SPECC1L: variants seen among roughly 807,000 people sequenced by gnomAD.
SPECC1L encodes cytospin-A.
A neutral mutation model predicts 116.8 loss-of-function variants in SPECC1L; 40 were observed. The observed-to-expected ratio is 0.34, with a 90% confidence interval of 0.27 to 0.45. The LOEUF (loss-of-function observed/expected upper bound fraction) is 0.45, where lower values mean the gene tolerates loss of function less well. Among genes scored for constraint, SPECC1L ranks in the 20% least tolerant of loss-of-function variants. The pLI is 1.00. For missense variants in SPECC1L, 1,110 were observed against 1,373.6 expected, an observed-to-expected ratio of 0.81 and a Z score of 3.03; for synonymous variants, 504 against 500.6, an observed-to-expected ratio of 1.01 and a Z score of -0.09.
chr22:24,314,328 C>G (rs1404593693), intron 4 of SPECC1L, among the ~76,000 whole-genome samples: 7 of 152,208 alleles, frequency 4.6e-5, no homozygotes, highest in Non-Finnish European at 1.5e-5. Flanking sequence ...GTATTACAGG[C>G]GTGAGCCACC....
intron 11 of SPECC1L, 37 bp downstream of exon 11, chr22:24,347,213 C>A (rs1338315052): frequency 6.5e-7 from 1 of 1,532,824 alleles, no homozygotes; most frequent in Non-Finnish European, 9.0e-7. Context: ...ACCTTTTTTT[C>A]AATTTTTGAA....
At chr22:24,302,099 A>G (rs993727487) in intron 2 of SPECC1L, 96 bp from the exon 3 acceptor site, 4 of 1,000,592 alleles carry the variant, frequency 4.0e-6, no homozygotes, top group South Asian at 2.9e-5. Context: ...CTAGCTTTCA[A>G]ACAGTTTTAT....
At chr22:24,285,668 G>A (rs1248727751) in intron 2 of SPECC1L, among the ~76,000 whole-genome samples, 2 of 151,812 alleles carry the variant, frequency 1.3e-5, no homozygotes, top group Non-Finnish European at 2.9e-5. Context: ...TTTTGAGACG[G>A]AGTCTTGCTC....
At chr22:24,374,908 G>A (rs545484941) in intron 14 of SPECC1L, among the ~76,000 whole-genome samples, 180 of 151,832 alleles carry the variant, frequency 1.2e-3, no homozygotes, top group African/African-American at 3.4e-3. Context: ...AAAAAAATGG[G>A]TTCTTTGAAA....
At chr22:24,330,156 T>G in intron 7 of SPECC1L, 100 bp from the exon 8 acceptor site, 1 of 1,164,396 alleles carries the variant, frequency 8.6e-7, no homozygotes, top group Non-Finnish European at 1.3e-6. Flanking sequence ...TTTGGAAGCA[T>G]TAGTGCATTA....
chr22:24,302,060 A>AAAT, intron 2 of SPECC1L, 135 bp from the exon 3 acceptor site: 4 of 670,400 alleles, frequency 6.0e-6, no homozygotes, highest in Non-Finnish European at 5.0e-6. Flanking sequence ...AAAAAAAAAA[A>AAAT]TTTTTTTTCA....
At chr22:24,277,155 T>A (rs1234771753) in intron 2 of SPECC1L, among the ~76,000 whole-genome samples, 1 of 152,258 alleles carries the variant, frequency 6.6e-6, no homozygotes, top group Non-Finnish European at 1.5e-5. Context: ...TGCTCATTTC[T>A]TTGTACACTT....
intron 9 of SPECC1L, among the ~76,000 whole-genome samples, chr22:24,335,874 GATAGTGTTATGT>G (rs1199685398): frequency 6.6e-6 from 1 of 151,916 alleles, no homozygotes; most frequent in Non-Finnish European, 1.5e-5. Flanking sequence ...TATAATATAA[GATAGTGTTATGT>G]ATAATACTAT....
chr22:24,308,649 C>G (rs1017627418), intron 3 of SPECC1L, among the ~76,000 whole-genome samples: 1 of 104,142 alleles, frequency 9.6e-6, no homozygotes, highest in Admixed American at 1.0e-4. Flanking sequence ...GTACATATAT[C>G]TATCCTTTTT....
intron 1 of SPECC1L, among the ~76,000 whole-genome samples, chr22:24,272,218 T>C (rs973178140): frequency 1.7e-4 from 25 of 145,044 alleles, no homozygotes; most frequent in Non-Finnish European, 6.1e-5. Flanking sequence ...CTGTCTCTAC[T>C]AAAAATACAA....
intron 3 of SPECC1L, among the ~76,000 whole-genome samples, chr22:24,308,068 G>C (rs2049537377): frequency 6.6e-6 from 1 of 151,586 alleles, no homozygotes; most frequent in Non-Finnish European, 1.5e-5. Context: ...TAGTTTTTTT[G>C]GGGGTGGGGG....
intron 13 of SPECC1L, among the ~76,000 whole-genome samples, chr22:24,367,293 T>G (rs549658034): frequency 6.6e-6 from 1 of 152,360 alleles, no homozygotes; most frequent in African/African-American, 2.4e-5. Context: ...TCTTTCTCTT[T>G]CCCTGTGGTT....
At chr22:24,325,230 C>T (rs1247706486) in intron 6 of SPECC1L, among the ~76,000 whole-genome samples, 1 of 152,164 alleles carries the variant, frequency 6.6e-6, no homozygotes, top group Non-Finnish European at 1.5e-5. Context: ...GGCAGTGTCC[C>T]TCACAGTAGG....
At chr22:24,314,685 C>T (rs934912775) in intron 4 of SPECC1L, among the ~76,000 whole-genome samples, 2 of 152,168 alleles carry the variant, frequency 1.3e-5, no homozygotes, top group East Asian at 3.9e-4. Context: ...GATGTTTTTG[C>T]CCATCACCCT....
chr22:24,292,373 T>TTTC (rs1404757844), intron 2 of SPECC1L, among the ~76,000 whole-genome samples: 1 of 152,234 alleles, frequency 6.6e-6, no homozygotes, highest in East Asian at 1.9e-4. Flanking sequence ...TTACACCATT[T>TTTC]TTCCTTTGAC....
At position 24,294,630 on chromosome 22, in the gene SPECC1L, G is replaced by A. The variant is rs570982784; in HGVS notation, c.-37-7565G>A. On this transcript the variant is annotated intron_variant, in intron 2 of 16. Transcript: ENST00000314328. Reference sequence around the variant, plus strand: ...ACTTCTGACCTCACTTGATCCACCTGCCTCGGCCTCCCAAAGTGCTGGGAT... The same window carrying A: ...ACTTCTGACCTCACTTGATCCACCTACCTCGGCCTCCCAAAGTGCTGGGAT... 1.3e-3 allele frequency among the ~76,000 whole-genome samples: 198 copies of A among 151,996 alleles called. 2 individuals are homozygous for A. Among genetic ancestry groups the A allele is most frequent in the African/African-American group, 4.6e-3 (190 of 41,346 alleles).
chr22:24,352,495 C>G (rs749266507), intron 11 of SPECC1L, among the ~76,000 whole-genome samples: 1 of 151,952 alleles, frequency 6.6e-6, no homozygotes, highest in Non-Finnish European at 1.5e-5. Context: ...AATTGTGTTA[C>G]TTGAGGCCAG....
At chr22:24,281,979 C>G (rs1311849457) in intron 2 of SPECC1L, among the ~76,000 whole-genome samples, 2 of 152,192 alleles carry the variant, frequency 1.3e-5, no homozygotes, top group African/African-American at 4.8e-5. Flanking sequence ...TCTCCCTGAG[C>G]ATTTGAGGAG....
At chr22:24,394,673 G>C (rs1431131373) in intron 14 of SPECC1L, among the ~76,000 whole-genome samples, 1 of 152,190 alleles carries the variant, frequency 6.6e-6, no homozygotes, top group African/African-American at 2.4e-5. Context: ...GAGAATTCTA[G>C]TCCTTCATAT....
Sources: allele counts gnomAD v4.1 joint callset (sites outside exome capture counted in the v4.1 genomes callset), GRCh38; gene constraint gnomAD v4.1.1; transcripts MANE v1.5; gene names NCBI Gene and HGNC (gene_info 2026-07-23, HGNC 2026-07-21).